DSG3: variants seen among roughly 807,000 people sequenced by gnomAD.
DSG3 encodes the protein desmoglein 3.
In DSG3, 63 loss-of-function variants were observed where a neutral mutation model predicts 85.9. The observed-to-expected ratio is 0.73, with a 90% CI of 0.60 to 0.90. The LOEUF is 0.90. Among genes scored for constraint, DSG3 ranks in the 40% least tolerant of loss-of-function variants. The pLI is 0.00. For synonymous variants in DSG3, 447 were observed against 441.9 expected (o/e 1.01, Z -0.14); for missense variants, 1,220 against 1,219.9 (o/e 1.00, Z 0.00).
Position 31,461,466 on chromosome 18 carries a change from A to C in DSG3, c.999+54A>C, listed in dbSNP as rs1193997975. The stretch of plus-strand genomic sequence containing the variant: ...AAAAAATTCTGTATTAACCAAAATG[A>C]TCATTTCTACAGATAAAATGTATTT... On this transcript the variant is annotated intron_variant, in intron 8 of 15. Transcript: ENST00000257189. 2.1e-5 allele frequency: 29 copies of C among 1,394,836 alleles called. 1 individual carries two copies. The South Asian group carries it at 3.0e-4, about 14-fold the overall frequency. The allele number at this position is 1,394,836 out of a possible 1,614,324, so 86.4% of individuals were successfully genotyped here.
chr18:31,465,232 T>C (rs964444031), intron 9 of DSG3, 86 bp from the exon 10 acceptor site: 1 of 942,608 alleles, frequency 1.1e-6, no homozygotes, highest in East Asian at 3.3e-5. Flanking sequence ...AATATGAATA[T>C]ACTAAATATA....
In DSG3 at chr18:31,476,180, G is replaced by T. The variant is rs2072886768; in HGVS notation, c.2920G>T (p.Gly974Cys). ...RVICPISSVP[G>C]NLAGPTQLRG... ...GATCTGTCCCATTTCCAGTGTTCCT[G>T]GCAACCTAGCTGGCCCAACGCAGCT... Residue 974 changes from glycine (G) to cysteine (C), a missense_variant, in exon 16 of 16, where the codon GGC becomes TGC. Transcript: ENST00000257189. 3.7e-6 allele frequency: 6 copies of T among 1,614,162 alleles called. No individual in the cohort carries two copies. The highest frequency in any genetic ancestry group is 4.2e-6 in the Non-Finnish European group (5 of 1,180,018).
Position 31,476,042 on chromosome 18 carries a change from C to T in DSG3, c.2782C>T (p.His928Tyr), listed in dbSNP as rs1236301947. 1.6e-5 allele frequency: 26 copies of T among 1,614,112 alleles called. No homozygotes were observed. Among genetic ancestry groups the T allele is most frequent in the Non-Finnish European group, 2.2e-5 (26 of 1,180,064 alleles). ...PAVSIPDPLQ[H>Y]GNYLVTETYS... Reference sequence around the variant, plus strand: ...TGTTTCCATCCCTGACCCTCTGCAGCATGGTAACTATTTAGTAACGGAGAC... The same window carrying T: ...TGTTTCCATCCCTGACCCTCTGCAGTATGGTAACTATTTAGTAACGGAGAC... The change falls in exon 16 of 16, where the codon CAT (histidine) becomes TAT (tyrosine). Residue 928 changes from histidine to tyrosine, a missense_variant. His to Tyr is a moderately conservative substitution (Grantham distance 83, BLOSUM62 2). Transcript: ENST00000257189.
chr18:31,456,872 T>C (rs916318619), intron 2 of DSG3, 121 bp from the exon 3 acceptor site: 5 of 926,018 alleles, frequency 5.4e-6, no homozygotes, highest in Admixed American at 5.2e-5. Flanking sequence ...GCTAATTAGA[T>C]ACCTAACAGT....
chr18:31,469,034 T>C (rs1654282440), intron 11 of DSG3, 55 bp from the exon 12 acceptor site: 6 of 1,596,236 alleles, frequency 3.8e-6, no homozygotes, highest in Admixed American at 3.4e-5. Context: ...CAACACAAAA[T>C]AGACTGAAAA....
At chr18:31,465,286 A>T in intron 9 of DSG3, 32 bp from the exon 10 acceptor site, 1 of 1,351,304 alleles carries the variant, frequency 7.4e-7, no homozygotes, top group Non-Finnish European at 9.6e-7. Context: ...CACATTTGAA[A>T]GAAAACTGAT....
intron 1 of DSG3, among the ~76,000 whole-genome samples, chr18:31,448,732 A>T (rs1430459748): frequency 6.6e-6 from 1 of 152,094 alleles, no homozygotes; most frequent in Non-Finnish European, 1.5e-5. Flanking sequence ...CTTAAAAATG[A>T]ATGTCAAAAC....
At chr18:31,455,418 A>C (rs923382190) in intron 1 of DSG3, among the ~76,000 whole-genome samples, 1 of 152,196 alleles carries the variant, frequency 6.6e-6, no homozygotes, top group African/African-American at 2.4e-5. Flanking sequence ...AAATAACCTA[A>C]TAGCACTGAA....
Position 31,447,741 on chromosome 18 carries a change from A to G in DSG3, c.-137A>G, listed in dbSNP as rs1213400426. ...TTGGTTTAGGGTGGGGAGGGACCGCATAACAGACCATCTGTAGACTCCTTC... is the reference window on the plus strand; with the variant it reads ...TTGGTTTAGGGTGGGGAGGGACCGCGTAACAGACCATCTGTAGACTCCTTC... On this transcript the variant is annotated 5_prime_UTR_variant, in exon 1 of 16. Transcript: ENST00000257189. 5.2e-6 allele frequency: 3 copies of G among 578,696 alleles called. No individual in the cohort carries two copies. The highest frequency in any genetic ancestry group is 3.7e-5 in the Admixed American group (1 of 26,804). The allele number at this position is 578,696 out of a possible 1,614,324, so 35.8% of individuals were successfully genotyped here.
rs2072881967 is a variant in DSG3 at position 31,475,702 on chromosome 18, G to A, written c.2442G>A (p.Leu814=). The A allele has an allele frequency of 1.2e-6, 2 of 1,614,190 alleles. No individual in the cohort carries two copies. The highest frequency in any genetic ancestry group is 1.7e-6 in the Non-Finnish European group (2 of 1,180,048). Residue 814 remains leucine, a synonymous_variant, in exon 16 of 16, where the codon TTG becomes TTA. Transcript: ENST00000257189. ...GCCAGGAAGCAAATGACTGCTTGTT[G>A]ATCTATGATAATGAAGGCGCAGATG... ...DDGQEANDCL[L]IYDNEGADAT...
Position 31,469,211 on chromosome 18 carries a change from T to C in DSG3, c.1759T>C (p.Cys587Arg). The C allele has an allele frequency of 4.3e-6, 7 of 1,614,218 alleles. No individual in the cohort carries two copies. The highest frequency in any genetic ancestry group is 5.9e-6 in the Non-Finnish European group (7 of 1,180,036). The change falls in exon 12 of 16, where the codon TGT becomes CGT. Residue 587 changes from cysteine (C) to arginine (R), a missense_variant. By Grantham distance (180) the Cys-to-Arg change is radical. Transcript: ENST00000257189. Reference protein sequence around the residue: ...EMPRSLTLEVCQCDNRGICGT... With the variant: ...EMPRSLTLEVRQCDNRGICGT... The stretch of plus-strand genomic sequence containing the variant: ...GCCACGCAGCTTGACACTGGAAGTC[T>C]GTCAGTGTGACAACAGGGGCATCTG...
intron 1 of DSG3, among the ~76,000 whole-genome samples, chr18:31,452,885 C>A (rs1474916035): frequency 6.6e-6 from 1 of 152,010 alleles, no homozygotes; most frequent in Non-Finnish European, 1.5e-5. Context: ...TAAGAATATC[C>A]AGGGATATTT....
At chr18:31,454,264 C>T (rs1416328844) in intron 1 of DSG3, among the ~76,000 whole-genome samples, 5 of 152,160 alleles carry the variant, frequency 3.3e-5, no homozygotes, top group Non-Finnish European at 5.9e-5. Flanking sequence ...CCTGGCCCAT[C>T]CCTCCTCTCA....
chr18:31,469,657 T>C (rs1014949931), intron 12 of DSG3, among the ~76,000 whole-genome samples: 3 of 152,158 alleles, frequency 2.0e-5, no homozygotes, highest in South Asian at 2.1e-4. Context: ...GTCAAAATTA[T>C]GGCTTTATCC....
chr18:31,450,008 AT>A (rs1308832606), intron 1 of DSG3, among the ~76,000 whole-genome samples: 1 of 152,212 alleles, frequency 6.6e-6, no homozygotes, highest in Admixed American at 6.5e-5. Flanking sequence ...AGTATTTTGG[AT>A]GTATTAGATT....
In DSG3 at chr18:31,461,463, A is replaced by C. The variant is rs759644509; in HGVS notation, c.999+51A>C. On this transcript the variant is annotated intron_variant, in intron 8 of 15. Coordinates refer to ENST00000257189, the MANE Select transcript of DSG3 (RefSeq NM_001944.3). ...TAAAAAAAATTCTGTATTAACCAAA[A>C]TGATCATTTCTACAGATAAAATGTA... 17 of 1,415,502 alleles carry C rather than the reference A, an allele frequency of 1.2e-5. No homozygotes were observed. The East Asian group carries it at 3.7e-4, about 30-fold the overall frequency. The allele number at this position is 1,415,502 out of a possible 1,614,324, so 87.7% of individuals were successfully genotyped here.
chr18:31,465,448 G>A lies in DSG3; in HGVS notation c.1402G>A (p.Ala468Thr). ...VNKTITAEVL[A>T]IDEYTGKTST... is the part of the protein sequence containing the mutation. ...CAAAACAATCACAGCTGAGGTTCTG[G>A]CCATAGATGGTAAGAAAAATATTTG... Residue 468 changes from alanine to threonine, a missense_variant, in exon 10 of 16, where the codon GCC (alanine) becomes ACC (threonine). Physicochemically the swap from Ala to Thr is moderately conservative, Grantham distance 58. Transcript: ENST00000257189. 2 of 1,488,524 alleles carry A rather than the reference G, an allele frequency of 1.3e-6. No homozygotes were observed. The highest frequency in any genetic ancestry group is 8.9e-7 in the Non-Finnish European group (1 of 1,120,016). The allele number at this position is 1,488,524 out of a possible 1,614,324, so 92.2% of individuals were successfully genotyped here.
At position 31,466,672 on chromosome 18, in the gene DSG3, T is replaced by C. The variant is rs368620189; in HGVS notation, c.1554T>C (p.Asn518=). ...SVVVSARTLN[N]RYTGPYTFAL... ...TTGTCTCCGCTAGAACACTGAATAA[T>C]AGATACACTGGCCCCTATACATTTG... is the stretch of plus-strand genomic sequence containing the variant. The change falls in exon 11 of 16, where the codon AAT becomes AAC. Residue 518 remains asparagine, a synonymous_variant. Coordinates refer to ENST00000257189, the MANE Select transcript of DSG3 (RefSeq NM_001944.3). 6 of 1,614,096 alleles carry C rather than the reference T, an allele frequency of 3.7e-6. No homozygotes were observed. Among genetic ancestry groups the C allele is most frequent in the Non-Finnish European group, 5.1e-6 (6 of 1,180,050 alleles).
chr18:31,452,951 T>C (rs1215522096), intron 1 of DSG3, among the ~76,000 whole-genome samples: 1 of 152,196 alleles, frequency 6.6e-6, no homozygotes, highest in East Asian at 1.9e-4. Context: ...TTAATTGAAT[T>C]TACTCTAAAA....
Sources: gnomAD v4.1 joint callset for allele counts (sites outside exome capture counted in the v4.1 genomes callset) on GRCh38, gnomAD v4.1.1 for gene constraint, MANE v1.5 for transcripts, NCBI Gene and HGNC (gene_info 2026-07-23, HGNC 2026-07-21) for gene names.